Variants in ARNT2 observed in about 807,000 individuals in gnomAD.
ARNT2 encodes the protein aryl hydrocarbon receptor nuclear translocator 2, also known as ARNT protein 2.
In ARNT2, 36 loss-of-function variants were observed where a neutral mutation model predicts 91.7. The ratio of observed to expected loss-of-function variants is 0.39; its 90% confidence interval spans 0.30 to 0.52. The LOEUF (loss-of-function observed/expected upper bound fraction) is 0.52, where lower values mean the gene tolerates loss of function less well. Among genes scored for constraint, ARNT2 ranks in the 20% least tolerant of loss-of-function variants. The pLI is 0.72. For synonymous variants in ARNT2, 365 were observed against 347.1 expected, an observed-to-expected ratio of 1.05 and a Z score of -0.57; for missense variants, 775 against 939.3, an observed-to-expected ratio of 0.83 and a Z score of 2.29.
In ARNT2 at chr15:80,575,018, A is replaced by G; in HGVS notation, c.1421A>G (p.His474Arg). Reference sequence around the variant, plus strand: ...GTCCCCAACCTACCAGCCGGTGTTCATGAGGCCGGGAAGTCCGTGGAAAAG... The same window carrying G: ...GTCCCCAACCTACCAGCCGGTGTTCGTGAGGCCGGGAAGTCCGTGGAAAAG... ...VPVPNLPAGV[H>R]EAGKSVEKAD... The change falls in exon 14 of 19, where the codon CAT becomes CGT. Residue 474 changes from histidine (H) to arginine (R), a missense_variant. This residue lies in a region of ARNT2 where 325 missense variants were observed against 359.9 expected (regional missense o/e 0.90). Coordinates refer to ENST00000303329, the MANE Select transcript of ARNT2 (RefSeq NM_014862.4). 1 of 1,614,192 alleles carries G rather than the reference A, an allele frequency of 6.2e-7. No homozygotes were observed. Among genetic ancestry groups the G allele is most frequent in the South Asian group, 1.1e-5 (1 of 91,082 alleles).
intron 1 of ARNT2, among the ~76,000 whole-genome samples, chr15:80,446,206 G>A (rs1051600896): frequency 6.6e-6 from 1 of 152,058 alleles, no homozygotes; most frequent in Non-Finnish European, 1.5e-5. Flanking sequence ...GTACATACAG[G>A]TATAATGTCT....
intron 8 of ARNT2, among the ~76,000 whole-genome samples, chr15:80,535,018 C>T (rs916270163): frequency 3.9e-5 from 6 of 152,134 alleles, no homozygotes; most frequent in Non-Finnish European, 7.4e-5. Flanking sequence ...GGTGGATCAG[C>T]ATCCTAAAGT....
At chr15:80,420,737 C>T (rs1895850041) in intron 1 of ARNT2, among the ~76,000 whole-genome samples, 3 of 151,908 alleles carry the variant, frequency 2.0e-5, no homozygotes, top group East Asian at 1.9e-4. Flanking sequence ...TATGTTCATT[C>T]CAATAAAAGT....
chr15:80,486,820 C>A (rs1429440281), intron 5 of ARNT2, among the ~76,000 whole-genome samples: 3 of 152,188 alleles, frequency 2.0e-5, no homozygotes. Context: ...TAGGAATGGT[C>A]TTCTAGGCTG....
At chr15:80,414,761 C>A (rs1302363272) in intron 1 of ARNT2, among the ~76,000 whole-genome samples, 1 of 134,370 alleles carries the variant, frequency 7.4e-6, no homozygotes, top group Non-Finnish European at 1.6e-5. Flanking sequence ...GCTGTGTTCT[C>A]TCTCTCTTTT....
chr15:80,556,011 T>A (rs2141459636), intron 11 of ARNT2: 1 of 150,752 alleles, frequency 6.6e-6, no homozygotes, highest in Admixed American at 6.6e-5. Context: ...AGAGACCGGG[T>A]GTGGTGCCTC....
chr15:80,404,654 G>C lies in ARNT2; in HGVS notation c.31+108G>C, dbSNP rs534422248. 3 of 717,958 alleles carry C rather than the reference G, an allele frequency of 4.2e-6. No individual in the cohort carries two copies. Among genetic ancestry groups the C allele is most frequent in the African/African-American group, 3.9e-5 (2 of 51,848 alleles). 44.5% of individuals were successfully genotyped at this position (717,958 alleles called of 1,614,324 possible). A position where few individuals can be genotyped will look rare whatever the true frequency, so the allele number is the denominator to read the frequency against. On this transcript the variant is annotated intron_variant, in intron 1 of 18. Coordinates refer to ENST00000303329, the MANE Select transcript of ARNT2 (RefSeq NM_014862.4). The surrounding 1 kb of genome is among the most constrained non-coding windows in gnomAD (Gnocchi z 5.5). Reference sequence around the variant, plus strand: ...CCCCGGGGGCGCGGAGCCGCAGCTCGGCGCGGTGGGTGGTGGAGCGGCTGT... The same window carrying C: ...CCCCGGGGGCGCGGAGCCGCAGCTCCGCGCGGTGGGTGGTGGAGCGGCTGT...
intron 8 of ARNT2, among the ~76,000 whole-genome samples, chr15:80,542,501 C>T (rs1162378972): frequency 1.3e-5 from 2 of 152,186 alleles, no homozygotes; most frequent in African/African-American, 4.8e-5. Context: ...TGTTTCTGCT[C>T]CTCAATATCT....
At chr15:80,554,921 A>C (rs1898150353) in intron 10 of ARNT2, 144 bp from the exon 11 acceptor site, 1 of 752,254 alleles carries the variant, frequency 1.3e-6, no homozygotes, top group Non-Finnish European at 2.1e-6. Context: ...GAAATTTTGC[A>C]CTCACTTTTT....
rs1043875480 is a variant in ARNT2, at chr15:80,408,052, CT to C, written c.31+3514del. On this transcript the variant is annotated intron_variant, in intron 1 of 18. Coordinates refer to ENST00000303329, the MANE Select transcript of ARNT2 (RefSeq NM_014862.4). ...ATGTTTTAAGAGATTTGGAATTCCA[CT>C]TTTTTTTCTGAAATCAATTATTGGA... Among the ~76,000 whole-genome samples, 5 of 152,042 alleles carry C rather than the reference CT, an allele frequency of 3.3e-5. No homozygotes were observed. The East Asian group carries it at 5.8e-4, about 18-fold the overall frequency.
intron 2 of ARNT2, 106 bp from the exon 3 acceptor site, chr15:80,457,823 G>T: frequency 1.6e-6 from 2 of 1,217,196 alleles, no homozygotes; most frequent in Non-Finnish European, 2.4e-6. Flanking sequence ...TGGGATCAAT[G>T]GATAGCAGTC....
At chr15:80,470,512 A>G (rs1896718405) in intron 4 of ARNT2, 81 bp downstream of exon 4, 1 of 1,465,586 alleles carries the variant, frequency 6.8e-7, no homozygotes, top group Admixed American at 1.9e-5. Flanking sequence ...GTGGGGAACC[A>G]GGGCTCAAGG....
intron 8 of ARNT2, among the ~76,000 whole-genome samples, chr15:80,536,224 G>A (rs1312029582): frequency 6.6e-6 from 1 of 152,230 alleles, no homozygotes; most frequent in Non-Finnish European, 1.5e-5. Context: ...TCTCTCCTGT[G>A]AGACAGGGGT....
intron 8 of ARNT2, among the ~76,000 whole-genome samples, chr15:80,544,953 A>G (rs1368987433): frequency 6.6e-6 from 1 of 152,174 alleles, no homozygotes; most frequent in African/African-American, 2.4e-5. Flanking sequence ...AAGGAGATAG[A>G]TAGACTGAGT....
intron 1 of ARNT2, among the ~76,000 whole-genome samples, chr15:80,413,178 G>C (rs1320281770): frequency 1.3e-5 from 2 of 152,246 alleles, no homozygotes; most frequent in Non-Finnish European, 2.9e-5. Flanking sequence ...GCCTCAGTGG[G>C]CCGCTGCAGG....
chr15:80,566,175 G>A (rs1044949336), intron 12 of ARNT2, among the ~76,000 whole-genome samples: 4 of 149,956 alleles, frequency 2.7e-5, no homozygotes, highest in Admixed American at 2.6e-4. Flanking sequence ...CCTTTGCAGC[G>A]ACTTGGCAGT....
At chr15:80,482,429 G>A (rs1287587993) in intron 5 of ARNT2, among the ~76,000 whole-genome samples, 1 of 152,122 alleles carries the variant, frequency 6.6e-6, no homozygotes, top group South Asian at 2.1e-4. Flanking sequence ...CTATGCATGG[G>A]GATTATCGGC....
At chr15:80,449,296 T>A (rs1896352576) in intron 1 of ARNT2, among the ~76,000 whole-genome samples, 1 of 152,226 alleles carries the variant, frequency 6.6e-6, no homozygotes, top group Admixed American at 6.5e-5. Context: ...AAGTAGTGAC[T>A]TTCATTGTCA....
At position 80,439,710 on chromosome 15, in the gene ARNT2, T is replaced by G. The variant is rs575794446; in HGVS notation, c.32-11170T>G. On this transcript the variant is annotated intron_variant, in intron 1 of 18. Coordinates refer to ENST00000303329, the MANE Select transcript of ARNT2 (RefSeq NM_014862.4). Reference sequence around the variant, plus strand: ...GTCAACATGCATCTTGGTCATTCATTTCTTTCCCCTACCTTTCATATCCTC... The same window carrying G: ...GTCAACATGCATCTTGGTCATTCATGTCTTTCCCCTACCTTTCATATCCTC... Among the ~76,000 whole-genome samples, 21 of 152,336 alleles carry G rather than the reference T, an allele frequency of 1.4e-4. No homozygotes were observed. In the South Asian group the frequency reaches 4.4e-3, roughly 32 times the overall value.
Sources: gnomAD v4.1 joint callset for allele counts (sites outside exome capture counted in the v4.1 genomes callset) on GRCh38, gnomAD v4.1.1 for gene constraint, gnomAD v4.1.1 regional missense constraint, Gnocchi (gnomAD v3.1) non-coding constraint, MANE v1.5 for transcripts, NCBI Gene and HGNC (gene_info 2026-07-23, HGNC 2026-07-21) for gene names.